NR2F1-AS1: variants seen among roughly 807,000 people sequenced by gnomAD.
The protein encoded by NR2F1-AS1 is NR2F1 regulatory antisense RNA 1.
intron 4 of NR2F1-AS1, among the ~76,000 whole-genome samples, chr5:93,515,243 T>C (rs1469574739): frequency 6.6e-6 from 1 of 151,972 alleles, no homozygotes; most frequent in African/African-American, 2.4e-5. Context: ...AATCATTCTT[T>C]ATTATATCAA....
At chr5:93,462,285 G>C (rs1750113825) in intron 4 of NR2F1-AS1, among the ~76,000 whole-genome samples, 1 of 152,108 alleles carries the variant, frequency 6.6e-6, no homozygotes, top group Non-Finnish European at 1.5e-5. Context: ...CACGAGATCT[G>C]ATGGTTTTTA....
At chr5:93,504,877 C>G (rs977403134) in intron 4 of NR2F1-AS1, among the ~76,000 whole-genome samples, 19 of 152,054 alleles carry the variant, frequency 1.2e-4, no homozygotes, top group Admixed American at 9.2e-4. Context: ...TCATCCTGCC[C>G]CTGGTCCCAC....
intron 4 of NR2F1-AS1, among the ~76,000 whole-genome samples, chr5:93,457,387 C>A (rs1236782355): frequency 1.3e-5 from 2 of 152,182 alleles, no homozygotes; most frequent in African/African-American, 4.8e-5. Context: ...TCCTGCATAG[C>A]CCTAAATCCA....
At chr5:93,509,920 G>A (rs867854811) in intron 4 of NR2F1-AS1, among the ~76,000 whole-genome samples, 5 of 151,674 alleles carry the variant, frequency 3.3e-5, no homozygotes, top group Middle Eastern at 3.5e-3. Flanking sequence ...GTATAGTCTC[G>A]ATGAATATGT....
At chr5:93,584,337 C>A, upstream of NR2F1-AS1, 1 of 149,746 alleles carries the variant, frequency 6.7e-6, no homozygotes, top group South Asian at 1.8e-4. Flanking sequence ...CCGCCGCCGC[C>A]TCCGCCCTCG....
chr5:93,517,839 T>A (rs1256487062), intron 4 of NR2F1-AS1, among the ~76,000 whole-genome samples: 2 of 152,100 alleles, frequency 1.3e-5, no homozygotes. Flanking sequence ...TAGGGAAAAC[T>A]GGGTTAAAGT....
chr5:93,451,712 C>T (rs146733099), intron 4 of NR2F1-AS1, among the ~76,000 whole-genome samples: 53 of 152,254 alleles, frequency 3.5e-4, no homozygotes, highest in African/African-American at 1.2e-3. Context: ...CTGACTATAA[C>T]ATATTTAATT....
At chr5:93,585,587 T>A, upstream of NR2F1-AS1, 7 of 941,428 alleles carry the variant, frequency 7.4e-6, no homozygotes, top group Non-Finnish European at 9.7e-6. Flanking sequence ...CTGGGGCTCC[T>A]GTGGTCCCGG....
At chr5:93,474,413 A>C (rs1266028859) in intron 4 of NR2F1-AS1, among the ~76,000 whole-genome samples, 1 of 152,214 alleles carries the variant, frequency 6.6e-6, no homozygotes, top group Admixed American at 6.5e-5. Flanking sequence ...ATCTTTCAGC[A>C]GGCTGTACCA....
At chr5:93,437,718 A>C (rs1241615924) in intron 4 of NR2F1-AS1, among the ~76,000 whole-genome samples, 2 of 152,226 alleles carry the variant, frequency 1.3e-5, no homozygotes, top group Non-Finnish European at 2.9e-5. Flanking sequence ...ATGATGTTTA[A>C]TTAGGCAACA....
chr5:93,443,165 CAGCAATGGAACAA>C (rs2149853064), intron 4 of NR2F1-AS1, among the ~76,000 whole-genome samples: 1 of 152,248 alleles, frequency 6.6e-6, no homozygotes. Context: ...AGCTCCTCAC[CAGCAATGGAACAA>C]AGCTGCATGG....
At chr5:93,534,432 A>T (rs1041640889) in intron 4 of NR2F1-AS1, among the ~76,000 whole-genome samples, 7 of 152,282 alleles carry the variant, frequency 4.6e-5, no homozygotes, top group Non-Finnish European at 8.8e-5. Context: ...TATTCACTCA[A>T]CAACAATTCA....
At chr5:93,558,029 G>C (rs908806287) in intron 2 of NR2F1-AS1, among the ~76,000 whole-genome samples, 1 of 151,938 alleles carries the variant, frequency 6.6e-6, no homozygotes, top group African/African-American at 2.4e-5. Flanking sequence ...GCAGCAATTC[G>C]GTCACATCTT....
intron 4 of NR2F1-AS1, among the ~76,000 whole-genome samples, chr5:93,448,720 C>T (rs1356709108): frequency 6.6e-6 from 1 of 152,190 alleles, no homozygotes. Context: ...ACCACTGTTC[C>T]AGCTCAAGTA....
intron 4 of NR2F1-AS1, among the ~76,000 whole-genome samples, chr5:93,513,390 A>G (rs1751340715): frequency 1.3e-5 from 2 of 152,186 alleles, no homozygotes; most frequent in South Asian, 4.1e-4. Context: ...ACCATCCACA[A>G]TATCAAAGAC....
intron 4 of NR2F1-AS1, among the ~76,000 whole-genome samples, chr5:93,551,443 A>G (rs113238331): frequency 5.9e-5 from 9 of 152,066 alleles, no homozygotes; most frequent in African/African-American, 2.2e-4. Context: ...TATAAAATCA[A>G]CTTATAGCCT....
intron 1 of NR2F1-AS1, among the ~76,000 whole-genome samples, chr5:93,574,217 AGCCGATAT>A (rs137987701): frequency 0.021 from 3,272 of 152,266 alleles, 105 homozygotes; most frequent in African/African-American, 0.074. Context: ...GGGAGTGAGC[AGCCGATAT>A]CTGGGGGCTG....
At chr5:93,585,545 T>G, upstream of NR2F1-AS1, 1 of 1,413,978 alleles carries the variant, frequency 7.1e-7, no homozygotes. Context: ...GGCTCTTTCT[T>G]TCTTTCTCGC....
chr5:93,493,018 T>A (rs905645831), intron 4 of NR2F1-AS1, among the ~76,000 whole-genome samples: 4 of 152,150 alleles, frequency 2.6e-5, no homozygotes, highest in Non-Finnish European at 4.4e-5. Flanking sequence ...TATTTGACAC[T>A]GTACTGGAAG....
Sources: gnomAD v4.1 joint callset for allele counts (sites outside exome capture counted in the v4.1 genomes callset) on GRCh38, gnomAD v4.1.1 for gene constraint, MANE v1.5 for transcripts, NCBI Gene and HGNC (gene_info 2026-07-23, HGNC 2026-07-21) for gene names.